The following RANBP2 variants were observed in gnomAD, a reference collection of about 807,000 sequenced individuals.
RANBP2 encodes the protein E3 SUMO-protein ligase RanBP2.
A neutral mutation model predicts 303.6 loss-of-function variants in RANBP2; 57 were observed. The observed-to-expected ratio is 0.19, with a 90% CI of 0.15 to 0.23. RANBP2 has a LOEUF of 0.23. Ranked by LOEUF, RANBP2 falls within the 10% of genes least tolerant of loss-of-function variation. The pLI is 1.00. For missense variants in RANBP2, 3,138 were observed against 3,780.8 expected, an observed-to-expected ratio of 0.83 and a Z score of 4.46; for synonymous variants, 1,167 against 1,301.5, an observed-to-expected ratio of 0.90 and a Z score of 2.23.
At chr2:108,896,895 CA>C in the RANBP2 span, 1 of 1,607,640 alleles carries the variant, frequency 6.2e-7, no homozygotes, top group African/African-American at 1.3e-5. Flanking sequence ...GGACAGCCCA[CA>C]GGCATGCTTT....
Position 108,750,006 on chromosome 2 carries a change from CG to C in RANBP2, c.1273+882del, listed in dbSNP as rs200087901. ...CTCTACTAAAAATACAAAAATTATC[CG>C]GGGGTGGTGGCATGTGCCTGTAGTC... On this transcript the variant is annotated intron_variant, in intron 9 of 28. Transcript: ENST00000283195. Among the ~76,000 whole-genome samples, 759 of 152,258 alleles carry C rather than the reference CG, an allele frequency of 5.0e-3. 4 individuals carry two copies. Among genetic ancestry groups the C allele is most frequent in the South Asian group, 0.021 (102 of 4,830 alleles).
the RANBP2 span, among the ~76,000 whole-genome samples, chr2:109,342,026 C>T: frequency 1.2e-4 from 18 of 152,354 alleles, no homozygotes; most frequent in East Asian, 1.5e-3. Context: ...TCTCACCCGC[C>T]GGGGCCTATG....
the RANBP2 span, among the ~76,000 whole-genome samples, chr2:109,650,163 T>A: frequency 6.6e-6 from 1 of 152,342 alleles, no homozygotes; most frequent in South Asian, 2.1e-4. Flanking sequence ...ATAAGGCTCA[T>A]CATCATACGT....
chr2:108,743,014 C>G (rs1696238431), intron 7 of RANBP2, among the ~76,000 whole-genome samples: 2 of 152,194 alleles, frequency 1.3e-5, no homozygotes, highest in Non-Finnish European at 2.9e-5. Flanking sequence ...TGGTCTCGAT[C>G]TCCTGACCTC....
the RANBP2 span, among the ~76,000 whole-genome samples, chr2:109,077,357 T>C: frequency 6.6e-6 from 1 of 150,636 alleles, no homozygotes; most frequent in Non-Finnish European, 1.5e-5. Context: ...ATTTTTATGA[T>C]GATCTGCTTC....
the RANBP2 span, among the ~76,000 whole-genome samples, chr2:109,747,636 T>A: frequency 2.8e-4 from 43 of 151,114 alleles, no homozygotes; most frequent in Non-Finnish European, 5.3e-4. Flanking sequence ...TAATTCCAGT[T>A]ACTCCGGAGG....
the RANBP2 span, among the ~76,000 whole-genome samples, chr2:109,475,659 C>T: frequency 6.6e-6 from 1 of 152,310 alleles, no homozygotes; most frequent in South Asian, 2.1e-4. Context: ...TGTAGGATGT[C>T]GAGCAGCATC....
the RANBP2 span, among the ~76,000 whole-genome samples, chr2:109,071,883 A>G: frequency 6.6e-6 from 1 of 152,212 alleles, no homozygotes; most frequent in Admixed American, 6.5e-5. Context: ...TTAGAGGACA[A>G]TGGAGAAGGA....
the RANBP2 span, chr2:109,565,742 G>A: frequency 6.3e-7 from 1 of 1,584,010 alleles, no homozygotes. Flanking sequence ...CATATTTCTA[G>A]TCATCCTTTG....
chr2:108,952,489 C>A, the RANBP2 span, among the ~76,000 whole-genome samples: 3 of 152,184 alleles, frequency 2.0e-5, no homozygotes. Flanking sequence ...CTTCTACAGC[C>A]TCCAATACAT....
the RANBP2 span, chr2:108,910,983 T>A: frequency 6.2e-7 from 1 of 1,614,034 alleles, no homozygotes; most frequent in South Asian, 1.1e-5. Context: ...ATGTAGAACA[T>A]GATGATGAGG....
chr2:108,918,721 C>T, the RANBP2 span, among the ~76,000 whole-genome samples: 14 of 152,306 alleles, frequency 9.2e-5, no homozygotes, highest in Admixed American at 3.9e-4. Flanking sequence ...GAGGGAGCTA[C>T]GCCTCCATTT....
chr2:109,430,613 A>G, the RANBP2 span, among the ~76,000 whole-genome samples: 69,410 of 151,742 alleles, frequency 0.46, 17,121 homozygotes, highest in Non-Finnish European at 0.53. Context: ...CACAATACAC[A>G]GGTACGTGTT....
At chr2:109,401,505 G>GT in the RANBP2 span, among the ~76,000 whole-genome samples, 46,769 of 152,130 alleles carry the variant, frequency 0.31, 8,535 homozygotes, top group Non-Finnish European at 0.41. Flanking sequence ...TGCCAGGCCA[G>GT]TGCCTATCCT....
the RANBP2 span, among the ~76,000 whole-genome samples, chr2:109,341,988 G>A: frequency 1.2e-4 from 19 of 152,172 alleles, no homozygotes; most frequent in Admixed American, 1.3e-4. Flanking sequence ...CTCAGACCCC[G>A]CAGTGCTTGG....
At chr2:108,820,876 G>A in the RANBP2 span, among the ~76,000 whole-genome samples, 153 of 152,170 alleles carry the variant, frequency 1.0e-3, no homozygotes, top group African/African-American at 3.5e-3. Flanking sequence ...ACACTACACA[G>A]CAACATGAAG....
chr2:109,031,896 C>T, the RANBP2 span, among the ~76,000 whole-genome samples: 2 of 147,912 alleles, frequency 1.4e-5, no homozygotes, highest in Non-Finnish European at 3.0e-5. Context: ...CCACCCACCC[C>T]CCGCCACCTT....
rs148910172 is a variant in RANBP2 at position 108,772,931 on chromosome 2, C to T, written c.8177C>T (p.Ala2726Val). The T allele has an allele frequency of 6.2e-7, 1 of 1,613,920 alleles. No homozygotes were observed. Among genetic ancestry groups the T allele is most frequent in the Non-Finnish European group, 8.5e-7 (1 of 1,179,984 alleles). ...CCAACAGTTGAAGAGAAGGCAAAAG[C>T]AGATACGTTAAAACTTCCACCTACA... ...KKPTVEEKAK[A>V]DTLKLPPTFF... is the part of the protein sequence containing the mutation. The change falls in exon 23 of 29, where the codon GCA becomes GTA. Residue 2726 changes from alanine (A) to valine (V), a missense_variant. Coordinates refer to ENST00000283195, the MANE Select transcript of RANBP2 (RefSeq NM_006267.5).
At chr2:109,692,675 T>C in the RANBP2 span, among the ~76,000 whole-genome samples, 2 of 152,204 alleles carry the variant, frequency 1.3e-5, no homozygotes, top group Non-Finnish European at 2.9e-5. Flanking sequence ...TTTCCCTAAG[T>C]CAATCATTTG....
Sources: allele counts gnomAD v4.1 joint callset (sites outside exome capture counted in the v4.1 genomes callset), GRCh38; gene constraint gnomAD v4.1.1; transcripts MANE v1.5; gene names NCBI Gene and HGNC (gene_info 2026-07-23, HGNC 2026-07-21).